ROR1: variants seen among roughly 807,000 people sequenced by gnomAD.
ROR1 encodes inactive tyrosine-protein kinase transmembrane receptor ROR1.
In ROR1, 19 loss-of-function variants were observed where a neutral mutation model predicts 78.8. The ratio of observed to expected loss-of-function variants is 0.24; its 90% CI spans 0.17 to 0.35. The LOEUF (loss-of-function observed/expected upper bound fraction) is 0.35, where lower values mean the gene tolerates loss of function less well. Ranked by LOEUF, ROR1 falls within the 10% of genes least tolerant of loss-of-function variation. The pLI is 1.00. For missense variants in ROR1, 917 were observed against 1,177.8 expected (o/e 0.78, Z 3.24); for synonymous variants, 386 against 433.6 (o/e 0.89, Z 1.36).
rs981771160 is a variant in ROR1 at position 64,155,598 on chromosome 1, C to A, written c.1175-3383C>A. On this transcript the variant is annotated intron_variant, in intron 7 of 8. Coordinates refer to ENST00000371079, the MANE Select transcript of ROR1 (RefSeq NM_005012.4). Reference sequence around the variant, plus strand: ...GACCTACAGGGGGATTTGTCCCAGACCCTCGTTTACAATAGAAGACCTTCC... The same window carrying A: ...GACCTACAGGGGGATTTGTCCCAGAACCTCGTTTACAATAGAAGACCTTCC... 2.6e-5 allele frequency among the ~76,000 whole-genome samples: 4 copies of A among 152,250 alleles called. No homozygotes were observed. In the East Asian group the frequency reaches 7.7e-4, roughly 29 times the overall value.
chr1:64,166,785 TG>T (rs2100736650), intron 8 of ROR1, among the ~76,000 whole-genome samples: 1 of 152,236 alleles, frequency 6.6e-6, no homozygotes, highest in African/African-American at 2.4e-5. Flanking sequence ...CCCCACACCC[TG>T]CTCACATCCT....
chr1:64,139,007 C>A (rs1347784221), intron 5 of ROR1, among the ~76,000 whole-genome samples: 2 of 151,528 alleles, frequency 1.3e-5, no homozygotes, highest in East Asian at 3.9e-4. Context: ...TACTAAAAAA[C>A]AATACAAATA....
intron 1 of ROR1, among the ~76,000 whole-genome samples, chr1:63,783,399 C>T (rs961982567): frequency 2.0e-5 from 3 of 152,142 alleles, no homozygotes; most frequent in Non-Finnish European, 4.4e-5. Flanking sequence ...TATTCCCCCT[C>T]TTGTCTGCTT....
At chr1:64,012,668 G>C (rs1646486162) in intron 2 of ROR1, among the ~76,000 whole-genome samples, 1 of 152,126 alleles carries the variant, frequency 6.6e-6, no homozygotes, top group South Asian at 2.1e-4. Flanking sequence ...ATTAGTAAGG[G>C]TTAGCAGACA....
intron 1 of ROR1, among the ~76,000 whole-genome samples, chr1:63,977,024 GTTC>G (rs565180689): frequency 2.0e-5 from 3 of 152,180 alleles, no homozygotes; most frequent in African/African-American, 4.8e-5. Flanking sequence ...AAGCAAACAT[GTTC>G]TTCTTCACAT....
intron 4 of ROR1, among the ~76,000 whole-genome samples, chr1:64,088,145 A>G (rs1279252438): frequency 1.3e-5 from 2 of 152,220 alleles, no homozygotes; most frequent in African/African-American, 4.8e-5. Context: ...TCTTTGCTCA[A>G]AAGAATTTGA....
At chr1:64,100,287 G>A (rs1647476105) in intron 4 of ROR1, among the ~76,000 whole-genome samples, 1 of 151,948 alleles carries the variant, frequency 6.6e-6, no homozygotes, top group South Asian at 2.1e-4. Context: ...TTTGAGACCA[G>A]CCTGGGCAAC....
chr1:63,867,633 G>T (rs946766654), intron 1 of ROR1, among the ~76,000 whole-genome samples: 1 of 152,192 alleles, frequency 6.6e-6, no homozygotes, highest in South Asian at 2.1e-4. Flanking sequence ...GTAACGAGGT[G>T]GTTCACTTGT....
At chr1:64,109,851 T>C (rs1312936373) in intron 4 of ROR1, among the ~76,000 whole-genome samples, 1 of 152,106 alleles carries the variant, frequency 6.6e-6, no homozygotes, top group African/African-American at 2.4e-5. Context: ...TTTTATTATA[T>C]GGTAGGGTGG....
chr1:64,115,861 C>T (rs1420090015), intron 4 of ROR1, among the ~76,000 whole-genome samples: 1 of 152,012 alleles, frequency 6.6e-6, no homozygotes, highest in African/African-American at 2.4e-5. Flanking sequence ...TAATACCTGC[C>T]TCTGCATGAT....
At chr1:63,977,261 C>A (rs926079309) in intron 1 of ROR1, among the ~76,000 whole-genome samples, 4 of 152,298 alleles carry the variant, frequency 2.6e-5, no homozygotes, top group Admixed American at 2.6e-4. Flanking sequence ...CATATCAACA[C>A]CTTACACACA....
intron 1 of ROR1, among the ~76,000 whole-genome samples, chr1:63,797,301 G>A (rs1569726729): frequency 6.6e-6 from 1 of 152,210 alleles, no homozygotes; most frequent in East Asian, 1.9e-4. Flanking sequence ...TGAGTAATTG[G>A]TGGATCCAGG....
chr1:63,957,090 A>G (rs1308980554), intron 1 of ROR1, among the ~76,000 whole-genome samples: 9 of 152,158 alleles, frequency 5.9e-5, no homozygotes, highest in African/African-American at 7.2e-5. Context: ...AAGGAAGTCT[A>G]TGGCTGGTGA....
chr1:63,882,977 C>G (rs1325832237), intron 1 of ROR1, among the ~76,000 whole-genome samples: 3 of 152,032 alleles, frequency 2.0e-5, no homozygotes, highest in African/African-American at 7.2e-5. Context: ...AGCACTTAGG[C>G]TTATGTTGTA....
At chr1:64,024,109 A>G (rs1050889590) in intron 2 of ROR1, among the ~76,000 whole-genome samples, 3 of 152,188 alleles carry the variant, frequency 2.0e-5, no homozygotes, top group African/African-American at 7.2e-5. Flanking sequence ...CCATGTGGAA[A>G]TGTGAGTCAA....
intron 8 of ROR1, among the ~76,000 whole-genome samples, 158 bp downstream of exon 8, chr1:64,159,350 C>T (rs1419279877): frequency 6.6e-6 from 1 of 152,152 alleles, no homozygotes; most frequent in African/African-American, 2.4e-5. Context: ...CTACCTACCT[C>T]TATCTAAACC....
intron 2 of ROR1, among the ~76,000 whole-genome samples, chr1:64,017,095 C>CG (rs1295415871): frequency 6.6e-6 from 1 of 151,832 alleles, no homozygotes; most frequent in Admixed American, 6.6e-5. Context: ...TATTTAGAGA[C>CG]GGGGTCTCAC....
intron 1 of ROR1, among the ~76,000 whole-genome samples, chr1:63,968,956 T>C (rs1264217530): frequency 6.6e-6 from 1 of 152,192 alleles, no homozygotes. Flanking sequence ...ATGGAGAGCA[T>C]TAAATAGGAG....
At chr1:63,992,335 G>A (rs1398646791) in intron 1 of ROR1, among the ~76,000 whole-genome samples, 7 of 152,034 alleles carry the variant, frequency 4.6e-5, no homozygotes. Flanking sequence ...AGCCTCCCGA[G>A]TAGCTGGGAT....
Sources: allele counts gnomAD v4.1 joint callset (sites outside exome capture counted in the v4.1 genomes callset), GRCh38; gene constraint gnomAD v4.1.1; transcripts MANE v1.5; gene names NCBI Gene and HGNC (gene_info 2026-07-23, HGNC 2026-07-21).